The following TTC6 variants were observed in gnomAD, a reference collection of about 807,000 sequenced individuals.
TTC6 encodes tetratricopeptide repeat domain 6.
Under a neutral mutation model 210.4 loss-of-function variants are expected in TTC6, and 172 were observed. That is an observed-to-expected ratio of 0.82 (90% CI 0.72 to 0.93). TTC6 has a LOEUF of 0.93. Ranked by LOEUF, TTC6 falls within the 40% of genes least tolerant of loss-of-function variation. TTC6 has a pLI of 0.00. For missense variants in TTC6, 2,414 were observed against 2,318.1 expected (o/e 1.04, Z -0.85); for synonymous variants, 804 against 819.6 (o/e 0.98, Z 0.32).
chr14:37,719,441 C>T (rs577032493), intron 6 of TTC6, among the ~76,000 whole-genome samples: 2 of 151,774 alleles, frequency 1.3e-5, no homozygotes, highest in African/African-American at 4.8e-5. Flanking sequence ...ATCAGTTTAG[C>T]TGACTTCCTG....
chr14:37,736,082 A>G, intron 8 of TTC6, 72 bp downstream of exon 10: 1 of 814,338 alleles, frequency 1.2e-6, no homozygotes, highest in South Asian at 1.7e-5. Context: ...TAATTATGGT[A>G]ATTCCAGAAA....
At chr14:37,823,135 C>G (rs1183285387) in intron 26 of TTC6, among the ~76,000 whole-genome samples, 1 of 152,072 alleles carries the variant, frequency 6.6e-6, no homozygotes, top group Non-Finnish European at 1.5e-5. Context: ...CAGCCTTAAC[C>G]TCCACCACAA....
exon 21 of TTC6, chr14:37,804,769 G>A: frequency 6.2e-7 from 1 of 1,614,112 alleles, no homozygotes; most frequent in Non-Finnish European, 8.5e-7. Context: ...CAGACTGTCT[G>A]TATAACTTGG....
chr14:37,822,059 G>T (rs1243940422), intron 26 of TTC6, among the ~76,000 whole-genome samples: 1 of 151,818 alleles, frequency 6.6e-6, no homozygotes, highest in Non-Finnish European at 1.5e-5. Context: ...GATTACAGGC[G>T]TGAGCCACCG....
At chr14:37,644,179 G>A (rs1201356438) in intron 1 of TTC6, among the ~76,000 whole-genome samples, 2 of 152,116 alleles carry the variant, frequency 1.3e-5, no homozygotes, top group Non-Finnish European at 2.9e-5. Flanking sequence ...GTAGCTAATG[G>A]GTCCAGATAA....
chr14:37,837,022 G>A (rs1443725330), intron 29 of TTC6, among the ~76,000 whole-genome samples: 2 of 152,064 alleles, frequency 1.3e-5, no homozygotes, highest in Non-Finnish European at 2.9e-5. Context: ...ACAACATAAG[G>A]GCATTAGACC....
chr14:37,726,179 G>A (rs143323219), intron 7 of TTC6, among the ~76,000 whole-genome samples: 5 of 151,914 alleles, frequency 3.3e-5, no homozygotes, highest in South Asian at 2.1e-4. Flanking sequence ...TTTGCACAGC[G>A]TTGTAGGCAG....
chr14:37,787,889 C>CTCTGTGTGTG (rs71433929), intron 15 of TTC6, among the ~76,000 whole-genome samples: 9 of 147,222 alleles, frequency 6.1e-5, no homozygotes, highest in African/African-American at 2.3e-4. Context: ...GTGTGTGTGT[C>CTCTGTGTGTG]TGTGTGTGTG....
At chr14:37,637,710 T>G (rs907418692) in intron 1 of TTC6, among the ~76,000 whole-genome samples, 3 of 152,122 alleles carry the variant, frequency 2.0e-5, no homozygotes, top group Middle Eastern at 3.4e-3. Flanking sequence ...AAATGCCAAA[T>G]AAGCACATGG....
chr14:37,643,324 C>A (rs1269101499), intron 1 of TTC6, among the ~76,000 whole-genome samples: 1 of 151,910 alleles, frequency 6.6e-6, no homozygotes, highest in Non-Finnish European at 1.5e-5. Context: ...AAACAAAAAA[C>A]ACCCCAAAAC....
intron 25 of TTC6, among the ~76,000 whole-genome samples, chr14:37,813,067 A>G (rs550564141): frequency 4.6e-5 from 7 of 152,290 alleles, no homozygotes; most frequent in African/African-American, 1.4e-4. Flanking sequence ...TTAAATAGCA[A>G]TTAGAGATAT....
At chr14:37,720,911 C>CA (rs908719193) in intron 6 of TTC6, among the ~76,000 whole-genome samples, 1 of 151,964 alleles carries the variant, frequency 6.6e-6, no homozygotes, top group Non-Finnish European at 1.5e-5. Context: ...TTGACTGTTT[C>CA]ATGTCAACAT....
intron 1 of TTC6, among the ~76,000 whole-genome samples, chr14:37,632,262 T>C (rs1339202537): frequency 2.0e-5 from 3 of 152,234 alleles, no homozygotes; most frequent in African/African-American, 7.2e-5. Context: ...TTATCTACCT[T>C]TGGTCTTTGA....
At chr14:37,691,843 A>G (rs1373709577) in intron 3 of TTC6, among the ~76,000 whole-genome samples, 1 of 152,128 alleles carries the variant, frequency 6.6e-6, no homozygotes, top group East Asian at 1.9e-4. Context: ...AAACTCAGAG[A>G]TGAAAAAGAA....
At chr14:37,798,404 T>C (rs2096097725) in intron 20 of TTC6, among the ~76,000 whole-genome samples, 1 of 151,770 alleles carries the variant, frequency 6.6e-6, no homozygotes, top group Admixed American at 6.6e-5. Flanking sequence ...TTTAAAAAAA[T>C]TTGTTTGCTG....
intron 21 of TTC6, among the ~76,000 whole-genome samples, chr14:37,805,770 G>T (rs1364346158): frequency 6.6e-6 from 1 of 151,950 alleles, no homozygotes; most frequent in South Asian, 2.1e-4. Context: ...GCGCGATCTC[G>T]GCTCACTGCA....
At chr14:37,726,290 G>T (rs2095872932) in intron 7 of TTC6, among the ~76,000 whole-genome samples, 1 of 152,148 alleles carries the variant, frequency 6.6e-6, no homozygotes, top group African/African-American at 2.4e-5. Context: ...CCAGAGGTAA[G>T]ATTAATATGA....
chr14:37,747,225 G>A (rs1392619932), intron 10 of TTC6, among the ~76,000 whole-genome samples: 1 of 152,116 alleles, frequency 6.6e-6, no homozygotes, highest in Non-Finnish European at 1.5e-5. Context: ...AACCTGGCAA[G>A]GAAGTTTTCC....
intron 1 of TTC6, among the ~76,000 whole-genome samples, chr14:37,606,243 G>A (rs2095624894): frequency 6.6e-6 from 1 of 152,134 alleles, no homozygotes. Flanking sequence ...GCAACTTTTG[G>A]TAGGGGACTC....
Sources: allele counts gnomAD v4.1 joint callset (sites outside exome capture counted in the v4.1 genomes callset), GRCh38; gene constraint gnomAD v4.1.1; transcripts MANE v1.5; gene names NCBI Gene and HGNC (gene_info 2026-07-23, HGNC 2026-07-21).